HEYL: variants seen among roughly 807,000 people sequenced by gnomAD.
The protein encoded by HEYL is hes related family bHLH transcription factor with YRPW motif like, also known as hairy/enhancer-of-split related with YRPW motif-like protein.
Under a neutral mutation model 18.6 loss-of-function variants are expected in HEYL, and 12 were observed. The ratio of observed to expected loss-of-function variants is 0.65; its 90% CI spans 0.41 to 1.05. The LOEUF is 1.05. HEYL is among the 50% of genes least tolerant of loss of function. The pLI is 0.00. For missense variants in HEYL, 420 were observed against 444.7 expected (o/e 0.94, Z 0.50); for synonymous variants, 159 against 179.6 (o/e 0.89, Z 0.91).
Position 39,626,331 on chromosome 1 carries a change from G to A in HEYL, c.*176C>T. Reference sequence around the variant, plus strand: ...CCAGGAGAGCTGGGTGGATAAGCTGGGATAACAGTGAGAAGGAGAGATGGG... The same window carrying A: ...CCAGGAGAGCTGGGTGGATAAGCTGAGATAACAGTGAGAAGGAGAGATGGG... On this transcript the variant is annotated 3_prime_UTR_variant, in exon 5 of 5. Coordinates refer to ENST00000372852, the MANE Select transcript of HEYL (RefSeq NM_014571.4). 1 of 602,526 alleles carries A rather than the reference G, an allele frequency of 1.7e-6. No individual in the cohort carries two copies. Among genetic ancestry groups the A allele is most frequent in the South Asian group, 2.2e-5 (1 of 45,310 alleles). 37.3% of individuals were successfully genotyped at this position (602,526 alleles called of 1,614,324 possible). A position where few individuals can be genotyped will look rare whatever the true frequency, so the allele number is the denominator to read the frequency against.
rs1289928725 is a variant in HEYL, at chr1:39,624,361, A to T, written c.*2146T>A. On this transcript the variant is annotated 3_prime_UTR_variant, in exon 5 of 5. Coordinates refer to ENST00000372852, the MANE Select transcript of HEYL (RefSeq NM_014571.4). Reference sequence around the variant, plus strand: ...ACCAAGATGCTGAAAGAGCTGGATCATTCCCATCTCATTTCAGTGGCATCA... The same window carrying T: ...ACCAAGATGCTGAAAGAGCTGGATCTTTCCCATCTCATTTCAGTGGCATCA... The T allele has an allele frequency of 6.6e-6, 1 of 152,250 alleles. No homozygotes were observed. The highest frequency in any genetic ancestry group is 1.5e-5 in the Non-Finnish European group (1 of 68,044). 9.4% of individuals were successfully genotyped at this position (152,250 alleles called of 1,614,324 possible). A position where few individuals can be genotyped will look rare whatever the true frequency, so the allele number is the denominator to read the frequency against.
In HEYL at chr1:39,625,538, T is replaced by A. The variant is rs1406444363; in HGVS notation, c.*969A>T. 1 of 152,310 alleles carries A rather than the reference T, an allele frequency of 6.6e-6. No homozygotes were observed. Among genetic ancestry groups the A allele is most frequent in the African/African-American group, 2.4e-5 (1 of 41,466 alleles). The allele number at this position is 152,310 out of a possible 1,614,324, so 9.4% of individuals were successfully genotyped here. On this transcript the variant is annotated 3_prime_UTR_variant, in exon 5 of 5. Transcript: ENST00000372852. The stretch of plus-strand genomic sequence containing the variant: ...AGCAGTCTGGGCTCTGTGAGCCGGA[T>A]GCAAACCAGGCAGCACAGACGTCTG...
intron 2 of HEYL, 54 bp downstream of exon 2, chr1:39,632,595 G>C: frequency 1.3e-6 from 2 of 1,506,780 alleles, no homozygotes; most frequent in Non-Finnish European, 9.1e-7. Context: ...CAGACTGCAG[G>C]GGATTCATGG....
Position 39,626,602 on chromosome 1 carries a change from G to C in HEYL, c.892C>G (p.Pro298Ala). 1 of 1,556,290 alleles carries C rather than the reference G, an allele frequency of 6.4e-7. No individual in the cohort carries two copies. Residue 298 changes from proline to alanine, a missense_variant, in exon 5 of 5, where the codon CCC (proline) becomes GCC (alanine). By Grantham distance (27) the Pro-to-Ala change is conservative. Transcript: ENST00000372852. The part of the protein sequence containing the change: ...GSAAYVAVPT[P>A]NSSSPGPAGR... ...GCTGGCCCTGGGGAGGATGAGTTGG[G>C]GGTGGGAACAGCCACGTAAGCAGCC...
chr1:39,628,743 G>A (rs758896201), intron 4 of HEYL, among the ~76,000 whole-genome samples: 31 of 151,814 alleles, frequency 2.0e-4, no homozygotes, highest in Non-Finnish European at 1.5e-5. Flanking sequence ...GACTACAGGC[G>A]CCCACCACCA....
chr1:39,627,198 A>C lies in HEYL; in HGVS notation c.314-18T>G. Reference sequence around the variant, plus strand: ...AAAGAATCCTGCAAAGGGAGGCGTGATGAAGGTCATGCCAGGTGTGGGGAG... The same window carrying C: ...AAAGAATCCTGCAAAGGGAGGCGTGCTGAAGGTCATGCCAGGTGTGGGGAG... On this transcript the variant is annotated intron_variant, in intron 4 of 4. Transcript: ENST00000372852. 1 of 1,600,444 alleles carries C rather than the reference A, an allele frequency of 6.2e-7. No homozygotes were observed. The highest frequency in any genetic ancestry group is 8.5e-7 in the Non-Finnish European group (1 of 1,171,108).
At chr1:39,636,882 G>A (rs1469201212) in intron 1 of HEYL, among the ~76,000 whole-genome samples, 1 of 152,306 alleles carries the variant, frequency 6.6e-6, no homozygotes, top group Non-Finnish European at 1.5e-5. Context: ...AATGGTGACC[G>A]CTTTGACAGC....
At chr1:39,632,956 C>T (rs943589317) in intron 1 of HEYL, 134 of 984,662 alleles carry the variant, frequency 1.4e-4, no homozygotes, top group Non-Finnish European at 1.6e-4. Context: ...CTCCTCGCCC[C>T]TCGCGGCGGC....
At position 39,626,525 on chromosome 1, in the gene HEYL, A is replaced by C. The variant is rs371583375; in HGVS notation, c.969T>G (p.Thr323=). Residue 323 remains threonine (T), a synonymous_variant, in exon 5 of 5, where the codon ACT becomes ACG. Transcript: ENST00000372852. ...GGGCAGCTCAGAAAGCCCCGATTTC[A>C]GTGATTTCAGAGACCCAGGAGTGGT... ...MLYHSWVSEI[T]EIGAF is the part of the protein sequence containing the mutation. The C allele has an allele frequency of 6.5e-6, 10 of 1,533,914 alleles. No homozygotes were observed. The highest frequency in any genetic ancestry group is 4.2e-5 in the African/African-American group (3 of 72,250).
At position 39,632,765 on chromosome 1, in the gene HEYL, C is replaced by T. The variant is rs1646341348; in HGVS notation, c.81-50G>A. The T allele has an allele frequency of 2.5e-6, 4 of 1,606,318 alleles. No individual in the cohort carries two copies. The Admixed American group carries it at 5.1e-5, about 20-fold the overall frequency. ...TTTTCAGGGCTGGGGGACAGTCTCCCCGGCCTGGGCCGACCTCGGGCCAGG... is the reference window on the plus strand; with the variant it reads ...TTTTCAGGGCTGGGGGACAGTCTCCTCGGCCTGGGCCGACCTCGGGCCAGG... On this transcript the variant is annotated intron_variant, in intron 1 of 4. Coordinates refer to ENST00000372852, the MANE Select transcript of HEYL (RefSeq NM_014571.4).
rs772502405 is a variant in HEYL, at chr1:39,631,564, G to T, written c.163C>A (p.Arg55Ser). The change falls in exon 3 of 5, where the codon CGT becomes AGT. Residue 55 changes from arginine to serine, a missense_variant. Arg to Ser is a moderately radical substitution (Grantham distance 110). Transcript: ENST00000372852. ...KKHRGIIEKR[R>S]RDRINSSLSE... ...AGGCTACTGTTGATGCGGTCTCGAC[G>T]CCGTTTCTCTATGATCTAAACAATC... 6.2e-7 allele frequency: 1 copy of T among 1,613,960 alleles called. No individual in the cohort carries two copies. Among genetic ancestry groups the T allele is most frequent in the African/African-American group, 1.3e-5 (1 of 74,924 alleles).
rs1224052084 is a variant in HEYL at position 39,631,527 on chromosome 1, C to T, written c.200G>A (p.Arg67Gln). 4.3e-6 allele frequency: 7 copies of T among 1,614,186 alleles called. No individual in the cohort carries two copies. Among genetic ancestry groups the T allele is most frequent in the South Asian group, 3.3e-5 (3 of 91,066 alleles). The change falls in exon 3 of 5, where the codon CGA becomes CAA. Residue 67 changes from arginine (R) to glutamine (Q), a missense_variant. Transcript: ENST00000372852. ...CTCAAAGGCAGTGGGGACCAAGCGT[C>T]GCAATTCAGAAAGGCTACTGTTGAT... ...DRINSSLSEL[R>Q]RLVPTAFEKQ...
chr1:39,635,104 T>C (rs1470694907), intron 1 of HEYL, among the ~76,000 whole-genome samples: 1 of 152,258 alleles, frequency 6.6e-6, no homozygotes, highest in Admixed American at 6.5e-5. Context: ...CAAATCCTAC[T>C]GCTATGTCTC....
intron 1 of HEYL, among the ~76,000 whole-genome samples, chr1:39,635,447 GACGC>G (rs1646357467): frequency 6.6e-6 from 1 of 152,238 alleles, no homozygotes; most frequent in Non-Finnish European, 1.5e-5. Flanking sequence ...GTTGGAGGCT[GACGC>G]ACCCATTTCA....
At chr1:39,632,486 C>T (rs891897213) in intron 2 of HEYL, among the ~76,000 whole-genome samples, 163 bp downstream of exon 2, 2 of 152,372 alleles carry the variant, frequency 1.3e-5, no homozygotes, top group South Asian at 4.1e-4. Context: ...GGTTAACAGG[C>T]TTGCCTGGAA....
At position 39,626,465 on chromosome 1, in the gene HEYL, G is replaced by A. The variant is rs1235836667; in HGVS notation, c.*42C>T. On this transcript the variant is annotated 3_prime_UTR_variant, in exon 5 of 5. Transcript: ENST00000372852. ...GCCCTTTTTTGGGCTCCTGGTAAAA[G>A]AACCTTCCTTATTCCTTGGGGCGGG... 6.9e-7 allele frequency: 1 copy of A among 1,446,498 alleles called. No homozygotes were observed. The highest frequency in any genetic ancestry group is 9.1e-7 in the Non-Finnish European group (1 of 1,096,252). 89.6% of individuals were successfully genotyped at this position (1,446,498 alleles called of 1,614,324 possible).
At chr1:39,632,808 C>A in intron 1 of HEYL, 93 bp from the exon 2 acceptor site, 3 of 1,566,286 alleles carry the variant, frequency 1.9e-6, no homozygotes, top group East Asian at 2.2e-5. Flanking sequence ...ACAGGCTGGG[C>A]CTAGAAGGAG....
intron 2 of HEYL, 105 bp downstream of exon 2, chr1:39,632,544 A>T: frequency 1.0e-6 from 1 of 998,656 alleles, no homozygotes; most frequent in Non-Finnish European, 1.5e-6. Flanking sequence ...CCAAGCAGTT[A>T]GCTTCATGGT....
chr1:39,634,189 G>A (rs1179099868), intron 1 of HEYL, among the ~76,000 whole-genome samples: 4 of 152,082 alleles, frequency 2.6e-5, no homozygotes, highest in East Asian at 1.9e-4. Context: ...TCCGCCACCC[G>A]GTTCAAGTAA....
Sources: allele counts gnomAD v4.1 joint callset (sites outside exome capture counted in the v4.1 genomes callset), GRCh38; gene constraint gnomAD v4.1.1; transcripts MANE v1.5; gene names NCBI Gene and HGNC (gene_info 2026-07-23, HGNC 2026-07-21).